The following ADAMTS2 variants were observed in gnomAD, a reference collection of about 807,000 sequenced individuals.
ADAMTS2 encodes the protein A disintegrin and metalloproteinase with thrombospondin motifs 2.
In ADAMTS2, 50 loss-of-function variants were observed where a neutral mutation model predicts 123.0. That is an observed-to-expected ratio of 0.41 (90% CI 0.32 to 0.51). The LOEUF (loss-of-function observed/expected upper bound fraction) is 0.51, where lower values mean the gene tolerates loss of function less well. ADAMTS2 is among the 20% of genes least tolerant of loss of function. The probability of loss-of-function intolerance (pLI) is 0.35; values close to 1 mark genes in which losing one functional copy is unlikely to be tolerated. For synonymous variants in ADAMTS2, 678 were observed against 695.4 expected (o/e 0.98, Z 0.39); for missense variants, 1,494 against 1,705.2 (o/e 0.88, Z 2.18).
At position 179,317,976 on chromosome 5, in the gene ADAMTS2, A is replaced by C. The variant is rs1321060366; in HGVS notation, c.534+25791T>G. Among the ~76,000 whole-genome samples, 1 of 152,180 alleles carries C rather than the reference A, an allele frequency of 6.6e-6. No individual in the cohort carries two copies. Among genetic ancestry groups the C allele is most frequent in the Non-Finnish European group, 1.5e-5 (1 of 68,028 alleles). On this transcript the variant is annotated intron_variant, in intron 2 of 21. Coordinates refer to ENST00000251582, the MANE Select transcript of ADAMTS2 (RefSeq NM_014244.5). This position sits in a 1 kb window ranked among gnomAD's most constrained non-coding sequence, Gnocchi z 4.9. ...TGGAGCCGGGACATGAGGAACGGGCAGTGATGAATCTGAAGCCCTGCTGGT... is the reference window on the plus strand; with the variant it reads ...TGGAGCCGGGACATGAGGAACGGGCCGTGATGAATCTGAAGCCCTGCTGGT...
chr5:179,265,899 T>A (rs536493365), intron 3 of ADAMTS2, among the ~76,000 whole-genome samples: 27 of 152,260 alleles, frequency 1.8e-4, no homozygotes, highest in Non-Finnish European at 2.8e-4. Context: ...CAGGCTCAGC[T>A]CCAGGGTGGA....
chr5:179,207,591 C>T lies in ADAMTS2; in HGVS notation c.813G>A (p.Leu271=), dbSNP rs996735518. The part of the protein sequence containing the change: ...AADDDYNIEV[L]LGVDDSVVQF... ...GCACCACAGAGTCATCCACGCCCAG[C>T]AGGACCTCGATGTTGTAGTCATCGT... Residue 271 remains leucine, a synonymous_variant, in exon 4 of 22, where the codon CTG becomes CTA. Coordinates refer to ENST00000251582, the MANE Select transcript of ADAMTS2 (RefSeq NM_014244.5). 4 of 1,613,854 alleles carry T rather than the reference C, an allele frequency of 2.5e-6. No homozygotes were observed. The highest frequency in any genetic ancestry group is 3.4e-6 in the Non-Finnish European group (4 of 1,180,034).
intron 5 of ADAMTS2, among the ~76,000 whole-genome samples, chr5:179,177,795 C>G (rs527715409): frequency 6.6e-6 from 1 of 152,132 alleles, no homozygotes; most frequent in Non-Finnish European, 1.5e-5. Flanking sequence ...GGCTTAGGGT[C>G]GGGATAATTT....
In ADAMTS2 at chr5:179,302,407, A is replaced by G. The variant is rs80008279; in HGVS notation, c.535-29343T>C. ...AAAAAAAAAAAAAAAAAAAAAAAAA[A>G]GCGGGGGAGTGATAAGGCCCCGGAC... On this transcript the variant is annotated intron_variant, in intron 2 of 21. Transcript: ENST00000251582. 7.3e-5 allele frequency among the ~76,000 whole-genome samples: 10 copies of G among 137,424 alleles called. No homozygotes were observed. The East Asian group carries it at 9.1e-4, about 12-fold the overall frequency. The allele number at this position is 137,424 out of a possible 152,430, so 90.2% of individuals were successfully genotyped here.
At chr5:179,311,450 C>G (rs1561725472) in intron 2 of ADAMTS2, among the ~76,000 whole-genome samples, 1 of 152,240 alleles carries the variant, frequency 6.6e-6, no homozygotes, top group African/African-American at 2.4e-5. Flanking sequence ...TCAATGACAA[C>G]AAAGGACCTG....
At chr5:179,210,358 C>T (rs1036954738) in intron 3 of ADAMTS2, among the ~76,000 whole-genome samples, 1 of 152,192 alleles carries the variant, frequency 6.6e-6, no homozygotes, top group East Asian at 1.9e-4. Flanking sequence ...CTGCTTCTGC[C>T]GAGCAGGCAG....
chr5:179,154,151 T>C lies in ADAMTS2; in HGVS notation c.1280A>G (p.Asp427Gly), dbSNP rs1199551595. Reference sequence around the variant, plus strand: ...CATGATGCTGCCCAGCCGCACCTCGTCGCCACAGCGGTTGCCCTGCCCGTC... The same window carrying C: ...CATGATGCTGCCCAGCCGCACCTCGCCGCCACAGCGGTTGCCCTGCCCGTC... ...EHDGQGNRCG[D>G]EVRLGSIMAP... Residue 427 changes from aspartate to glycine, a missense_variant, in exon 8 of 22, where the codon GAC becomes GGC. Coordinates refer to ENST00000251582, the MANE Select transcript of ADAMTS2 (RefSeq NM_014244.5). 1 of 1,577,416 alleles carries C rather than the reference T, an allele frequency of 6.3e-7. No homozygotes were observed. The highest frequency in any genetic ancestry group is 2.3e-5 in the East Asian group (1 of 43,634).
rs981869406 is a variant in ADAMTS2 at position 179,307,131 on chromosome 5, C to G, written c.535-34067G>C. Among the ~76,000 whole-genome samples the G allele has an allele frequency of 6.6e-6, 1 of 152,196 alleles. No individual in the cohort carries two copies. The highest frequency in any genetic ancestry group is 1.5e-5 in the Non-Finnish European group (1 of 68,020). ...AGTGGCCAGCCAGCCTAAGCCCGGC[C>G]CAGACCCTCGCCCTGCTAGCATGAG... is the stretch of plus-strand genomic sequence containing the variant. On this transcript the variant is annotated intron_variant, in intron 2 of 21. Transcript: ENST00000251582. The surrounding 1 kb of genome is among the most constrained non-coding windows in gnomAD (Gnocchi z 5.6).
At position 179,132,676 on chromosome 5, in the gene ADAMTS2, T is replaced by A; in HGVS notation, c.2209+101A>T. The stretch of plus-strand genomic sequence containing the variant: ...CCTCTCCCCCTCCCCAGAACAGTCA[T>A]AAGCCCGGACAGCCCCAGGATGAGT... On this transcript the variant is annotated intron_variant, in intron 14 of 21. Transcript: ENST00000251582. This position sits in a 1 kb window ranked among gnomAD's most constrained non-coding sequence, Gnocchi z 6.1. The A allele has an allele frequency of 7.5e-7, 1 of 1,334,506 alleles. No homozygotes were observed. Among genetic ancestry groups the A allele is most frequent in the Non-Finnish European group, 1.0e-6 (1 of 989,488 alleles). 82.7% of individuals were successfully genotyped at this position (1,334,506 alleles called of 1,614,324 possible).
Position 179,265,706 on chromosome 5 carries a change from C to T in ADAMTS2, c.688+7205G>A, listed in dbSNP as rs1249211911. Among the ~76,000 whole-genome samples, 4 of 152,236 alleles carry T rather than the reference C, an allele frequency of 2.6e-5. No individual in the cohort carries two copies. The East Asian group carries it at 7.7e-4, about 29-fold the overall frequency. The stretch of plus-strand genomic sequence containing the variant: ...TCCCAGCGCCGGCCCCCGCCCACCC[C>T]TTCCGCGTGGGCCACATCACCGCGC... On this transcript the variant is annotated intron_variant, in intron 3 of 21. Transcript: ENST00000251582.
rs1265059154 is a variant in ADAMTS2, at chr5:179,262,401, C to T, written c.688+10510G>A. 1.3e-5 allele frequency among the ~76,000 whole-genome samples: 2 copies of T among 152,104 alleles called. No individual in the cohort carries two copies. The highest frequency in any genetic ancestry group is 4.8e-5 in the African/African-American group (2 of 41,402). ...TCACCGGGACTCCTCCCTGCTTCCA[C>T]ACCGTCCACCGAAAACCCTCCAAAG... On this transcript the variant is annotated intron_variant, in intron 3 of 21. Coordinates refer to ENST00000251582, the MANE Select transcript of ADAMTS2 (RefSeq NM_014244.5). The surrounding 1 kb of genome is among the most constrained non-coding windows in gnomAD (Gnocchi z 5.9).
intron 2 of ADAMTS2, among the ~76,000 whole-genome samples, chr5:179,310,846 A>T (rs1756811473): frequency 6.6e-6 from 1 of 152,092 alleles, no homozygotes; most frequent in Admixed American, 6.5e-5. Flanking sequence ...GGACAGTGAA[A>T]GGGCCACCAC....
At chr5:179,296,732 C>G (rs1756348386) in intron 2 of ADAMTS2, among the ~76,000 whole-genome samples, 1 of 151,990 alleles carries the variant, frequency 6.6e-6, no homozygotes, top group South Asian at 2.1e-4. Context: ...GAGGGTGGTG[C>G]CTGGGAAGAC....
rs763524702 is a variant in ADAMTS2 at position 179,272,958 on chromosome 5, C to T, written c.641G>A (p.Arg214Gln). The change falls in exon 3 of 22, where the codon CGG becomes CAG. Residue 214 changes from arginine to glutamine, a missense_variant. Arg to Gln is a conservative substitution (Grantham distance 43). Coordinates refer to ENST00000251582, the MANE Select transcript of ADAMTS2 (RefSeq NM_014244.5). The surrounding 1 kb of genome is among the most constrained non-coding windows in gnomAD (Gnocchi z 5.8). The stretch of plus-strand genomic sequence containing the variant: ...CCCGAGAGGAGGGGACGTGGGTGGC[C>T]GGCGATACACCACATGCACACGGCC... ...EQGRVHVVYR[R>Q]PPTSPPLGGP... The T allele has an allele frequency of 6.8e-6, 11 of 1,612,366 alleles. No individual in the cohort carries two copies. Among genetic ancestry groups the T allele is most frequent in the Middle Eastern group, 1.6e-4 (1 of 6,062 alleles).
intron 2 of ADAMTS2, among the ~76,000 whole-genome samples, chr5:179,324,810 C>T (rs1375417442): frequency 6.6e-6 from 1 of 152,238 alleles, no homozygotes; most frequent in Non-Finnish European, 1.5e-5. Context: ...CGACATGGAA[C>T]AGCTGTGCTA....
intron 2 of ADAMTS2, among the ~76,000 whole-genome samples, chr5:179,277,417 G>A (rs1324663539): frequency 1.9e-4 from 4 of 21,152 alleles, no homozygotes; most frequent in African/African-American, 6.5e-4. Context: ...CTGACCCCCC[G>A]CGAGACCAAA....
At chr5:179,163,968 C>T (rs569135900) in intron 5 of ADAMTS2, among the ~76,000 whole-genome samples, 54 of 152,152 alleles carry the variant, frequency 3.5e-4, no homozygotes, top group African/African-American at 1.3e-3. Flanking sequence ...GCACTGGGGC[C>T]AGGGGAGCCC....
chr5:179,244,107 A>G (rs1765728100), intron 3 of ADAMTS2, among the ~76,000 whole-genome samples: 1 of 151,352 alleles, frequency 6.6e-6, no homozygotes, highest in East Asian at 1.9e-4. Context: ...GAAAAGATGG[A>G]AGAAACAGTG....
At chr5:179,239,648 G>A (rs1418092599) in intron 3 of ADAMTS2, among the ~76,000 whole-genome samples, 1 of 152,048 alleles carries the variant, frequency 6.6e-6, no homozygotes, top group Non-Finnish European at 1.5e-5. Context: ...GGCTGGAGAC[G>A]CAAATCTGGG....
Sources: gnomAD v4.1 joint callset for allele counts (sites outside exome capture counted in the v4.1 genomes callset) on GRCh38, gnomAD v4.1.1 for gene constraint, Gnocchi (gnomAD v3.1) non-coding constraint, MANE v1.5 for transcripts, NCBI Gene and HGNC (gene_info 2026-07-23, HGNC 2026-07-21) for gene names.